The following MAPK6 variants were observed in gnomAD, a reference collection of about 807,000 sequenced individuals.
MAPK6 encodes the protein mitogen-activated protein kinase 6.
In MAPK6, 19 loss-of-function variants were observed where a neutral mutation model predicts 59.3. The ratio of observed to expected loss-of-function variants is 0.32; its 90% CI spans 0.22 to 0.47. The LOEUF (loss-of-function observed/expected upper bound fraction) is 0.47, where lower values mean the gene tolerates loss of function less well. Ranked by LOEUF, MAPK6 falls within the 20% of genes least tolerant of loss-of-function variation. The probability of loss-of-function intolerance (pLI) is 1.00; values close to 1 mark genes in which losing one functional copy is unlikely to be tolerated. For synonymous variants in MAPK6, 316 were observed against 290.3 expected (o/e 1.09, Z -0.90); for missense variants, 724 against 847.9 (o/e 0.85, Z 1.81).
chr15:52,030,186 C>G (rs1215528816), intron 1 of MAPK6, among the ~76,000 whole-genome samples: 2 of 152,194 alleles, frequency 1.3e-5, no homozygotes, highest in African/African-American at 4.8e-5. Context: ...CTGGTAGCTT[C>G]TTATTCAGGT....
intron 1 of MAPK6, among the ~76,000 whole-genome samples, chr15:52,032,469 C>A (rs1017252677): frequency 6.6e-6 from 1 of 152,106 alleles, no homozygotes; most frequent in Non-Finnish European, 1.5e-5. Flanking sequence ...GGATTACAGG[C>A]GTGAGCCACT....
intron 2 of MAPK6, among the ~76,000 whole-genome samples, chr15:52,002,573 A>C (rs970603778): frequency 6.6e-6 from 1 of 152,186 alleles, no homozygotes; most frequent in Admixed American, 6.6e-5. Flanking sequence ...CAGAGGGTGA[A>C]GTTGATCTGA....
At chr15:52,002,279 C>T (rs539872038) in intron 2 of MAPK6, among the ~76,000 whole-genome samples, 2 of 152,200 alleles carry the variant, frequency 1.3e-5, no homozygotes, top group Non-Finnish European at 1.5e-5. Flanking sequence ...CCCAGTTCAC[C>T]ACTAGTGAAA....
chr15:52,059,949 A>G (rs2032134927), intron 4 of MAPK6, among the ~76,000 whole-genome samples: 1 of 152,214 alleles, frequency 6.6e-6, no homozygotes, highest in Non-Finnish European at 1.5e-5. Context: ...CACATTCTTT[A>G]TGATCTTTGA....
intron 3 of MAPK6, among the ~76,000 whole-genome samples, chr15:52,013,691 T>C (rs140165232): frequency 6.6e-6 from 1 of 152,324 alleles, no homozygotes; most frequent in African/African-American, 2.4e-5. Flanking sequence ...GGCTTCTCTG[T>C]TACTTGCAAC....
chr15:52,009,933 C>T (rs12439565), intron 3 of MAPK6, among the ~76,000 whole-genome samples: 16,577 of 151,724 alleles, frequency 0.11, 1,434 homozygotes, highest in East Asian at 0.44. Flanking sequence ...CCACCATGCC[C>T]GGCTACTTTT....
intron 3 of MAPK6, among the ~76,000 whole-genome samples, chr15:52,007,247 C>T (rs375711699): frequency 6.6e-6 from 1 of 152,162 alleles, no homozygotes; most frequent in African/African-American, 2.4e-5. Flanking sequence ...TCTCACTTCT[C>T]CTGTCCCAGC....
chr15:51,990,499 T>C (rs74534856), intron 2 of MAPK6, among the ~76,000 whole-genome samples: 1,811 of 152,310 alleles, frequency 0.012, 35 homozygotes, highest in African/African-American at 0.042. Flanking sequence ...GTTAGAATGG[T>C]ATATGATTTG....
chr15:52,003,681 T>A lies in MAPK6; in HGVS notation c.-769-584T>A, dbSNP rs987579256. Reference sequence around the variant, plus strand: ...ACTTTTCTGTTAGTTTGAAAAACTTTAAAAATAAAATGCTTTTAAAACAAA... The same window carrying A: ...ACTTTTCTGTTAGTTTGAAAAACTTAAAAAATAAAATGCTTTTAAAACAAA... On this transcript the variant is annotated intron_variant, in intron 2 of 7. Transcript: ENST00000691380. Among the ~76,000 whole-genome samples the A allele has an allele frequency of 4.6e-5, 7 of 152,356 alleles. No individual in the cohort carries two copies. The South Asian group carries it at 1.4e-3, about 32-fold the overall frequency.
chr15:52,058,402 TAAAG>T (rs2032063862), intron 3 of MAPK6, among the ~76,000 whole-genome samples: 1 of 152,162 alleles, frequency 6.6e-6, no homozygotes, highest in African/African-American at 2.4e-5. Context: ...AGACCAAACT[TAAAG>T]AGTCAGTTCC....
intron 1 of MAPK6, among the ~76,000 whole-genome samples, chr15:52,041,566 G>C (rs1180091725): frequency 6.6e-6 from 1 of 152,204 alleles, no homozygotes; most frequent in Non-Finnish European, 1.5e-5. Context: ...ACACTGATGT[G>C]GATAGAGGAT....
At chr15:52,006,618 G>T (rs1475254615) in intron 3 of MAPK6, among the ~76,000 whole-genome samples, 3 of 152,188 alleles carry the variant, frequency 2.0e-5, no homozygotes, top group Admixed American at 6.5e-5. Flanking sequence ...GTGCTTAGTG[G>T]ATTGGCAGCT....
At chr15:52,023,006 C>T (rs995699021) in intron 1 of MAPK6, among the ~76,000 whole-genome samples, 3 of 142,156 alleles carry the variant, frequency 2.1e-5, no homozygotes, top group African/African-American at 7.8e-5. Flanking sequence ...ACTCAGGAGG[C>T]TGAGGCAGGA....
Position 52,053,420 on chromosome 15 carries a change from T to G in MAPK6, c.700+3283T>G, listed in dbSNP as rs187599307. On this transcript the variant is annotated intron_variant, in intron 3 of 5. Transcript: ENST00000261845. Reference sequence around the variant, plus strand: ...CATTTCCCTAATAACTAATGGATGATTGAATGTCTGTCCAGATCTATTGCC... The same window carrying G: ...CATTTCCCTAATAACTAATGGATGAGTGAATGTCTGTCCAGATCTATTGCC... 1.3e-4 allele frequency among the ~76,000 whole-genome samples: 20 copies of G among 152,280 alleles called. No individual in the cohort carries two copies. The East Asian group carries it at 3.7e-3, about 28-fold the overall frequency.
rs1208604740 is a variant in MAPK6, at chr15:52,012,999, AAAAAAAAAAAAAAAAAAAAAAATATATAT to A, written c.-632+8599_-632+8627del. On this transcript the variant is annotated intron_variant, in intron 3 of 7. Coordinates refer to the MAPK6 transcript ENST00000691380. ...GAGACTCCGCCTGGAAAAAAAAAAA[AAAAAAAAAAAAAAAAAAAAAAATATATAT>A]ATATATATATATATATATATATATA... Among the ~76,000 whole-genome samples the A allele has an allele frequency of 5.1e-3, 82 of 16,130 alleles. 2 individuals are homozygous for A. The highest frequency in any genetic ancestry group is 0.071 in the Middle Eastern group (1 of 14). 10.6% of individuals were successfully genotyped at this position (16,130 alleles called of 152,430 possible).
chr15:52,040,541 G>C (rs2031383278), intron 1 of MAPK6, among the ~76,000 whole-genome samples: 1 of 152,230 alleles, frequency 6.6e-6, no homozygotes, highest in Non-Finnish European at 1.5e-5. Flanking sequence ...TGCACATCTA[G>C]ACTTCCTTTT....
At chr15:52,061,555 A>G (rs2032199660) in intron 5 of MAPK6, 55 bp downstream of exon 5, 2 of 1,294,210 alleles carry the variant, frequency 1.5e-6, no homozygotes, top group South Asian at 1.3e-5. Context: ...AGTGGACCAT[A>G]TGTAGTGAGT....
chr15:52,058,465 G>T (rs1469433742), intron 3 of MAPK6, among the ~76,000 whole-genome samples, 168 bp from the exon 4 acceptor site: 4 of 152,066 alleles, frequency 2.6e-5, no homozygotes, highest in African/African-American at 9.7e-5. Flanking sequence ...AGCAGAAATT[G>T]AAATAGATAA....
intron 2 of MAPK6, among the ~76,000 whole-genome samples, chr15:51,997,431 C>A (rs1050454997): frequency 5.4e-5 from 8 of 148,034 alleles, no homozygotes; most frequent in Admixed American, 3.4e-4. Flanking sequence ...AGCTAATTTG[C>A]ATATTTTTAG....
Sources: allele counts gnomAD v4.1 joint callset (sites outside exome capture counted in the v4.1 genomes callset), GRCh38; gene constraint gnomAD v4.1.1; transcripts MANE v1.5; gene names NCBI Gene and HGNC (gene_info 2026-07-23, HGNC 2026-07-21).